PPFIA1: variants seen among roughly 807,000 people sequenced by gnomAD.
The protein encoded by PPFIA1 is liprin-alpha-1.
A neutral mutation model predicts 149.9 loss-of-function variants in PPFIA1; 25 were observed. That is an observed-to-expected ratio of 0.17 (90% CI 0.12 to 0.23). The LOEUF (loss-of-function observed/expected upper bound fraction) is 0.23, where lower values mean the gene tolerates loss of function less well. Among genes scored for constraint, PPFIA1 ranks in the 10% least tolerant of loss-of-function variants. The probability of loss-of-function intolerance (pLI) is 1.00; values close to 1 mark genes in which losing one functional copy is unlikely to be tolerated. For synonymous variants in PPFIA1, 549 were observed against 552.8 expected (o/e 0.99, Z 0.10); for missense variants, 1,362 against 1,506.5 (o/e 0.90, Z 1.59).
intron 21 of PPFIA1, chr11:70,364,594 TAATG>T (rs1391336863): frequency 1.3e-5 from 2 of 152,200 alleles, no homozygotes; most frequent in African/African-American, 4.8e-5. Context: ...TTTTTCTTCT[TAATG>T]AACAAATTAT....
intron 14 of PPFIA1, among the ~76,000 whole-genome samples, chr11:70,343,307 T>C (rs1415417443): frequency 6.6e-6 from 1 of 152,238 alleles, no homozygotes; most frequent in Non-Finnish European, 1.5e-5. Context: ...CCAGGTCTTA[T>C]TTCTTCTAAG....
chr11:70,353,271 C>T (rs779066532), intron 16 of PPFIA1, among the ~76,000 whole-genome samples: 5 of 152,060 alleles, frequency 3.3e-5, no homozygotes, highest in Admixed American at 6.6e-5. Flanking sequence ...CTTTGGAGGC[C>T]GAGGCAAGAA....
intron 2 of PPFIA1, among the ~76,000 whole-genome samples, chr11:70,274,316 G>T (rs893079431): frequency 3.3e-5 from 5 of 151,998 alleles, no homozygotes; most frequent in Admixed American, 1.3e-4. Flanking sequence ...TTCACAAATC[G>T]TAAGTATACA....
chr11:70,367,691 A>G, intron 21 of PPFIA1: 1 of 449,292 alleles, frequency 2.2e-6, no homozygotes, highest in South Asian at 1.6e-5. Context: ...CCACTTCAGG[A>G]GTCTGAGCAG....
intron 24 of PPFIA1, 26 bp downstream of exon 24, chr11:70,375,119 C>T (rs1431273236): frequency 1.3e-6 from 2 of 1,490,654 alleles, no homozygotes; most frequent in African/African-American, 1.5e-5. Flanking sequence ...TCTGTGTCTG[C>T]ACTCATTGTT....
At chr11:70,318,091 C>T (rs1057401311) in intron 2 of PPFIA1, among the ~76,000 whole-genome samples, 26 of 152,186 alleles carry the variant, frequency 1.7e-4, no homozygotes, top group African/African-American at 5.5e-4. Context: ...CCATTCAGTC[C>T]GTTCTCCATG....
chr11:70,277,060 A>ATATATATATATATATATAT, intron 2 of PPFIA1, among the ~76,000 whole-genome samples: 6 of 66,312 alleles, frequency 9.0e-5, no homozygotes, highest in African/African-American at 4.7e-4. Flanking sequence ...ATATATATAT[A>ATATATATATATATATATAT]TTTTTTTTTT....
At chr11:70,298,414 A>G (rs2052236924) in intron 2 of PPFIA1, among the ~76,000 whole-genome samples, 1 of 152,198 alleles carries the variant, frequency 6.6e-6, no homozygotes, top group African/African-American at 2.4e-5. Flanking sequence ...TTGATGATGA[A>G]TTAGGAGACT....
intron 2 of PPFIA1, among the ~76,000 whole-genome samples, chr11:70,280,092 G>T (rs927440875): frequency 2.0e-5 from 3 of 151,958 alleles, no homozygotes; most frequent in African/African-American, 7.3e-5. Flanking sequence ...ATTTTCAGTG[G>T]AGGTGGGGTT....
chr11:70,279,722 GGTGT>G (rs71046599), intron 2 of PPFIA1, among the ~76,000 whole-genome samples: 4,031 of 135,312 alleles, frequency 0.03, 66 homozygotes, highest in Admixed American at 0.048. Flanking sequence ...TATGTGTCTA[GGTGT>G]GTGTGTGTGT....
chr11:70,300,498 A>G lies in PPFIA1; in HGVS notation c.265-23904A>G, dbSNP rs2052413606. Among the ~76,000 whole-genome samples, 3 of 149,792 alleles carry G rather than the reference A, an allele frequency of 2.0e-5. No individual in the cohort carries two copies. In the South Asian group the frequency reaches 6.3e-4, roughly 32 times the overall value. Reference sequence around the variant, plus strand: ...ACTTCTCCTGCCTCAGCCTCTCAGTATCTGGGACTATAAGCATGTGCCACC... The same window carrying G: ...ACTTCTCCTGCCTCAGCCTCTCAGTGTCTGGGACTATAAGCATGTGCCACC... On this transcript the variant is annotated intron_variant, in intron 2 of 27. Transcript: ENST00000253925.
Position 70,292,720 on chromosome 11 carries a change from T to G in PPFIA1, c.264+20284T>G, listed in dbSNP as rs575457795. Reference sequence around the variant, plus strand: ...AGTGCTATAAAGCAGGACACTGTTATGACCCCATTTTCTAGATGAAGAAAT... The same window carrying G: ...AGTGCTATAAAGCAGGACACTGTTAGGACCCCATTTTCTAGATGAAGAAAT... On this transcript the variant is annotated intron_variant, in intron 2 of 27. Coordinates refer to ENST00000253925, the MANE Select transcript of PPFIA1 (RefSeq NM_003626.5). 7.2e-5 allele frequency among the ~76,000 whole-genome samples: 11 copies of G among 152,330 alleles called. No homozygotes were observed. The East Asian group carries it at 2.1e-3, about 29-fold the overall frequency.
intron 26 of PPFIA1, 113 bp downstream of exon 26, chr11:70,378,308 G>A (rs543118861): frequency 5.7e-5 from 79 of 1,396,072 alleles, no homozygotes; most frequent in Non-Finnish European, 7.3e-5. Flanking sequence ...AGGCACTTGA[G>A]TATGGTTGCA....
chr11:70,343,594 A>T, intron 14 of PPFIA1, 75 bp from the exon 15 acceptor site: 1 of 1,363,116 alleles, frequency 7.3e-7, no homozygotes, highest in Non-Finnish European at 1.0e-6. Flanking sequence ...AGAATTCCTA[A>T]ATTTCCGATA....
intron 3 of PPFIA1, 28 bp downstream of exon 3, chr11:70,324,531 T>C: frequency 6.5e-7 from 1 of 1,549,840 alleles, no homozygotes; most frequent in Non-Finnish European, 8.9e-7. Flanking sequence ...GTTCACTGCC[T>C]GCCCCTGGAG....
chr11:70,333,375 C>A, intron 9 of PPFIA1, 95 bp from the exon 10 acceptor site: 1 of 924,930 alleles, frequency 1.1e-6, no homozygotes, highest in Non-Finnish European at 1.7e-6. Flanking sequence ...GCAGCCCACG[C>A]AGAGCATGTT....
chr11:70,337,330 A>G, intron 11 of PPFIA1, 35 bp from the exon 12 acceptor site: 1 of 1,457,006 alleles, frequency 6.9e-7, no homozygotes, highest in Non-Finnish European at 9.4e-7. Flanking sequence ...GGGACATTTT[A>G]AAGAAACACT....
Position 70,354,328 on chromosome 11 carries a change from G to C in PPFIA1, c.2191G>C (p.Asp731His), listed in dbSNP as rs770059890. 4.3e-6 allele frequency: 7 copies of C among 1,613,854 alleles called. No homozygotes were observed. Among genetic ancestry groups the C allele is most frequent in the African/African-American group, 1.3e-5 (1 of 74,926 alleles). Reference sequence around the variant, plus strand: ...GCCACCTTCCAGAGAAGAGGTACGAGATGACAAGACAACCATAAAGTGTGA... The same window carrying C: ...GCCACCTTCCAGAGAAGAGGTACGACATGACAAGACAACCATAAAGTGTGA... The part of the protein sequence containing the change: ...LLPPSREEVR[D>H]DKTTIKCETS... The change falls in exon 17 of 28, where the codon GAT becomes CAT. Residue 731 changes from aspartate (D) to histidine (H), a missense_variant. By Grantham distance (81) the Asp-to-His change is moderately conservative (BLOSUM62 -1). Coordinates refer to ENST00000253925, the MANE Select transcript of PPFIA1 (RefSeq NM_003626.5).
At chr11:70,286,964 C>T (rs11235741) in intron 2 of PPFIA1, among the ~76,000 whole-genome samples, 1 of 142,608 alleles carries the variant, frequency 7.0e-6, no homozygotes, top group South Asian at 2.2e-4. Flanking sequence ...TATATATATA[C>T]ATATACACAT....
Sources: allele counts gnomAD v4.1 joint callset (sites outside exome capture counted in the v4.1 genomes callset), GRCh38; gene constraint gnomAD v4.1.1; transcripts MANE v1.5; gene names NCBI Gene and HGNC (gene_info 2026-07-23, HGNC 2026-07-21).